Variants in RXRA observed in about 807,000 individuals in gnomAD.
The protein encoded by RXRA is retinoid X receptor alpha.
In RXRA, 5 loss-of-function variants were observed where a neutral mutation model predicts 44.5. That is an observed-to-expected ratio of 0.11 (90% CI 0.06 to 0.24). The LOEUF is 0.24. RXRA is among the 10% of genes least tolerant of loss of function. RXRA has a pLI of 1.00. For missense variants in RXRA, 412 were observed against 646.5 expected (o/e 0.64, Z 3.93); for synonymous variants, 291 against 271.4 (o/e 1.07, Z -0.71).
At chr9:134,341,359 T>G (rs1358184211) in intron 1 of RXRA, among the ~76,000 whole-genome samples, 2 of 152,096 alleles carry the variant, frequency 1.3e-5, no homozygotes. Flanking sequence ...TGGCGTGTGG[T>G]TGGAGTCCTG....
intron 1 of RXRA, among the ~76,000 whole-genome samples, chr9:134,385,074 G>A (rs1195074197): frequency 3.9e-5 from 6 of 152,238 alleles, no homozygotes; most frequent in Admixed American, 3.3e-4. Context: ...CCCCTGCGCA[G>A]CCTTCCTTGA....
chr9:134,408,399 G>T (rs1247029507), intron 3 of RXRA, 100 bp downstream of exon 3: 1 of 1,320,104 alleles, frequency 7.6e-7, no homozygotes, highest in African/African-American at 1.5e-5. Context: ...GGCCAAGCAG[G>T]ACCCAAGGCC....
rs199867203 is a variant in RXRA at position 134,429,250 on chromosome 9, G to C, written c.1043+10G>C. 2 of 1,609,768 alleles carry C rather than the reference G, an allele frequency of 1.2e-6. No individual in the cohort carries two copies. Among genetic ancestry groups the C allele is most frequent in the Non-Finnish European group, 1.7e-6 (2 of 1,178,370 alleles). ...GCGCCATCTTTGACAGGTGGGGGTG[G>C]TCCCGGGAGGGGCGAGGGCGCTTCG... On this transcript the variant is annotated intron_variant, in intron 7 of 9. Coordinates refer to ENST00000481739, the MANE Select transcript of RXRA (RefSeq NM_002957.6).
chr9:134,381,840 C>T (rs1321976821), intron 1 of RXRA, among the ~76,000 whole-genome samples: 3 of 152,216 alleles, frequency 2.0e-5, no homozygotes, highest in East Asian at 3.9e-4. Flanking sequence ...GGTGCTCCGT[C>T]GTGAAGTGGC....
chr9:134,386,975 G>A (rs1441271343), intron 1 of RXRA, among the ~76,000 whole-genome samples: 12 of 152,236 alleles, frequency 7.9e-5, no homozygotes, highest in East Asian at 1.9e-4. Context: ...ACCTGACCCC[G>A]TCTTCCTGGG....
intron 8 of RXRA, among the ~76,000 whole-genome samples, chr9:134,432,766 C>T (rs1458493016): frequency 6.6e-6 from 1 of 152,126 alleles, no homozygotes; most frequent in Non-Finnish European, 1.5e-5. Context: ...GGGTGCGGGC[C>T]ACTTCCTCCG....
chr9:134,418,265 C>T (rs894771247), intron 5 of RXRA, among the ~76,000 whole-genome samples: 6 of 152,150 alleles, frequency 3.9e-5, no homozygotes, highest in African/African-American at 1.4e-4. Context: ...TCCTGGCCAC[C>T]CGTGTGAAGG....
chr9:134,416,080 C>G (rs946699943), intron 4 of RXRA, among the ~76,000 whole-genome samples: 9 of 151,962 alleles, frequency 5.9e-5, no homozygotes, highest in Admixed American at 5.9e-4. Flanking sequence ...GGGAAGGGGA[C>G]GTGTCTCGGG....
intron 1 of RXRA, among the ~76,000 whole-genome samples, chr9:134,362,926 G>C (rs369209393): frequency 6.6e-6 from 1 of 152,228 alleles, no homozygotes; most frequent in African/African-American, 2.4e-5. Flanking sequence ...TGATGTGCCC[G>C]CTGTCAGCAG....
intron 4 of RXRA, among the ~76,000 whole-genome samples, chr9:134,413,899 T>A (rs528591607): frequency 3.5e-4 from 54 of 152,232 alleles, no homozygotes; most frequent in African/African-American, 1.1e-3. Context: ...GGCTGCGGTG[T>A]GTGAGTCTCC....
chr9:134,411,444 A>G (rs1831147309), intron 4 of RXRA, among the ~76,000 whole-genome samples: 2 of 152,182 alleles, frequency 1.3e-5, no homozygotes, highest in Admixed American at 6.5e-5. Flanking sequence ...ATCCCCACAC[A>G]TGGTCTCACT....
At chr9:134,340,879 C>T (rs782027949) in intron 1 of RXRA, among the ~76,000 whole-genome samples, 3 of 152,234 alleles carry the variant, frequency 2.0e-5, no homozygotes, top group East Asian at 3.9e-4. Flanking sequence ...CGCTTTGGTG[C>T]GAATGAGCCT....
At chr9:134,419,298 G>A (rs563173575) in intron 5 of RXRA, among the ~76,000 whole-genome samples, 6 of 152,294 alleles carry the variant, frequency 3.9e-5, no homozygotes, top group Non-Finnish European at 5.9e-5. Context: ...TTTTTATTTC[G>A]TGAAGGACAT....
intron 1 of RXRA, among the ~76,000 whole-genome samples, chr9:134,348,257 C>G (rs781968778): frequency 9.2e-5 from 14 of 152,134 alleles, no homozygotes; most frequent in Non-Finnish European, 1.9e-4. Flanking sequence ...TGGAAGCCTC[C>G]CAGGAGGTGA....
chr9:134,423,087 G>T (rs1339283947), intron 6 of RXRA: 1 of 985,348 alleles, frequency 1.0e-6, no homozygotes, highest in Non-Finnish European at 1.2e-6. Flanking sequence ...CCTGGATGGG[G>T]CAGGCCCCCC....
chr9:134,392,110 C>T (rs1371086071), intron 1 of RXRA, among the ~76,000 whole-genome samples: 1 of 152,200 alleles, frequency 6.6e-6, no homozygotes, highest in East Asian at 1.9e-4. Context: ...GGTGTCAGAG[C>T]CTCCATTTTG....
chr9:134,379,728 C>T (rs1830613368), intron 1 of RXRA: 5 of 985,398 alleles, frequency 5.1e-6, no homozygotes, highest in Non-Finnish European at 4.8e-6. Context: ...TGGGCGGGTT[C>T]GTGGGTCCAG....
rs1831655744 is a variant in RXRA at position 134,437,993 on chromosome 9, C to G, written c.*1379C>G. On this transcript the variant is annotated 3_prime_UTR_variant, in exon 10 of 10. Coordinates refer to ENST00000481739, the MANE Select transcript of RXRA (RefSeq NM_002957.6). ...CGGCCTGGCGCTCCTCCCGCAGGCTCTGCCCCCGGGCTCCGGTGGTGCGGG... is the reference window on the plus strand; with the variant it reads ...CGGCCTGGCGCTCCTCCCGCAGGCTGTGCCCCCGGGCTCCGGTGGTGCGGG... 6.6e-6 allele frequency: 1 copy of G among 152,482 alleles called. No individual in the cohort carries two copies. Among genetic ancestry groups the G allele is most frequent in the Non-Finnish European group, 1.5e-5 (1 of 68,196 alleles). The allele number at this position is 152,482 out of a possible 1,614,324, so 9.4% of individuals were successfully genotyped here.
intron 1 of RXRA, among the ~76,000 whole-genome samples, chr9:134,359,619 C>G (rs1830324926): frequency 2.6e-5 from 4 of 152,302 alleles, no homozygotes; most frequent in South Asian, 2.1e-4. Context: ...TGACCTACCC[C>G]CTGCGGATCA....
Sources: gnomAD v4.1 joint callset for allele counts (sites outside exome capture counted in the v4.1 genomes callset) on GRCh38, gnomAD v4.1.1 for gene constraint, MANE v1.5 for transcripts, NCBI Gene and HGNC (gene_info 2026-07-23, HGNC 2026-07-21) for gene names.